Variants in SLC23A2 observed in about 807,000 individuals in gnomAD.
SLC23A2 encodes the protein Na(+)/L-ascorbic acid transporter 2.
Under a neutral mutation model 73.3 loss-of-function variants are expected in SLC23A2, and 36 were observed. The ratio of observed to expected loss-of-function variants is 0.49; its 90% confidence interval spans 0.38 to 0.65. The LOEUF (loss-of-function observed/expected upper bound fraction) is 0.65, where lower values mean the gene tolerates loss of function less well. SLC23A2 is among the 30% of genes least tolerant of loss of function. The pLI is 0.00. For missense variants in SLC23A2, 507 were observed against 841.6 expected, an observed-to-expected ratio of 0.60 and a Z score of 4.92; for synonymous variants, 343 against 327.3, an observed-to-expected ratio of 1.05 and a Z score of -0.52.
At chr20:4,942,799 C>T (rs557746210) in intron 2 of SLC23A2, among the ~76,000 whole-genome samples, 38 of 152,280 alleles carry the variant, frequency 2.5e-4, no homozygotes, top group African/African-American at 8.7e-4. Flanking sequence ...GAAAGAACCA[C>T]CAAATCCTAA....
chr20:4,885,692 T>C (rs1931069948), intron 7 of SLC23A2, 129 bp downstream of exon 7: 1 of 698,342 alleles, frequency 1.4e-6, no homozygotes, highest in Non-Finnish European at 2.6e-6. Context: ...TCTAAGCTGT[T>C]TGTGGGTTTG....
intron 15 of SLC23A2, among the ~76,000 whole-genome samples, chr20:4,860,884 T>C (rs1464056337): frequency 1.3e-5 from 2 of 152,224 alleles, no homozygotes; most frequent in East Asian, 3.9e-4. Context: ...CTACTAAAAA[T>C]ACAAAAATTG....
chr20:4,922,506 G>T (rs1226237001), intron 3 of SLC23A2, among the ~76,000 whole-genome samples: 1 of 152,116 alleles, frequency 6.6e-6, no homozygotes, highest in East Asian at 1.9e-4. Flanking sequence ...CCATGACCAA[G>T]ATTCCATAAA....
At chr20:4,985,039 A>T (rs1425661786) in intron 1 of SLC23A2, among the ~76,000 whole-genome samples, 2 of 151,168 alleles carry the variant, frequency 1.3e-5, no homozygotes, top group African/African-American at 4.9e-5. Flanking sequence ...TGGGAGGCTG[A>T]GGCAGGAGAA....
intron 2 of SLC23A2, among the ~76,000 whole-genome samples, chr20:4,960,107 T>C (rs562557434): frequency 6.4e-4 from 97 of 152,332 alleles, no homozygotes; most frequent in Middle Eastern, 6.8e-3. Flanking sequence ...AGCGGCTTTA[T>C]TTATAATAGC....
In SLC23A2 at chr20:4,947,689, G is replaced by T. The variant is rs1408610235; in HGVS notation, c.-154-14973C>A. On this transcript the variant is annotated intron_variant, in intron 2 of 16. Coordinates refer to ENST00000338244, the MANE Select transcript of SLC23A2 (RefSeq NM_005116.6). The surrounding 1 kb of genome is among the most constrained non-coding windows in gnomAD (Gnocchi z 4.4). ...GATTTATCTCTGCAAAAAAGCTCAG[G>T]GCCAATGTTGTGGGTCCAACAATCA... Among the ~76,000 whole-genome samples the T allele has an allele frequency of 1.3e-5, 2 of 152,148 alleles. No individual in the cohort carries two copies. The highest frequency in any genetic ancestry group is 2.9e-5 in the Non-Finnish European group (2 of 68,036).
chr20:4,943,279 C>T (rs1365509550), intron 2 of SLC23A2, among the ~76,000 whole-genome samples: 1 of 151,896 alleles, frequency 6.6e-6, no homozygotes, highest in African/African-American at 2.4e-5. Flanking sequence ...AGACAAAAAC[C>T]CACACTTCTC....
intron 11 of SLC23A2, 145 bp from the exon 12 acceptor site, chr20:4,870,198 T>C (rs2122793835): frequency 2.9e-6 from 2 of 698,238 alleles, no homozygotes; most frequent in East Asian, 5.6e-5. Flanking sequence ...CATTTTAAAA[T>C]CTTAAGCACC....
At chr20:4,917,022 A>ACTCCT (rs2122904842) in intron 3 of SLC23A2, among the ~76,000 whole-genome samples, 1 of 152,310 alleles carries the variant, frequency 6.6e-6, no homozygotes, top group African/African-American at 2.4e-5. Flanking sequence ...GCCTAGAAAA[A>ACTCCT]AAGCTCACAT....
Position 4,952,082 on chromosome 20 carries a change from C to T in SLC23A2, c.-155+18711G>A, listed in dbSNP as rs560893072. On this transcript the variant is annotated intron_variant, in intron 2 of 16. Transcript: ENST00000338244. The stretch of plus-strand genomic sequence containing the variant: ...TTGCACCACCACACTCCAGCCTGGG[C>T]GACAGAGCAAGACTCTGACTCAAAA... 2.4e-3 allele frequency among the ~76,000 whole-genome samples: 270 copies of T among 113,662 alleles called. 1 individual carries two copies. The highest frequency in any genetic ancestry group is 8.4e-3 in the African/African-American group (244 of 29,170). 74.6% of individuals were successfully genotyped at this position (113,662 alleles called of 152,430 possible). A position where few individuals can be genotyped will look rare whatever the true frequency, so the allele number is the denominator to read the frequency against.
At chr20:4,955,554 C>T (rs981076981) in intron 2 of SLC23A2, among the ~76,000 whole-genome samples, 1 of 151,978 alleles carries the variant, frequency 6.6e-6, no homozygotes, top group African/African-American at 2.4e-5. Flanking sequence ...TTTGGGAGGC[C>T]AAGGTAGGAG....
chr20:4,893,517 G>A (rs1400418311), intron 6 of SLC23A2, among the ~76,000 whole-genome samples: 2 of 152,060 alleles, frequency 1.3e-5, no homozygotes, highest in Non-Finnish European at 2.9e-5. Context: ...TCATGAGTTC[G>A]AAGTCCCCAG....
rs1293726826 is a variant in SLC23A2 at position 4,868,825 on chromosome 20, AATC to A, written c.1251-953_1251-951del. ...TTTTCTCTGCAGACTCCTCAGGGGC[AATC>A]ATCTGACAACTTCTAAAAGCTAATC... On this transcript the variant is annotated intron_variant, in intron 12 of 16. Transcript: ENST00000338244. This position sits in a 1 kb window ranked among gnomAD's most constrained non-coding sequence, Gnocchi z 4.4. 1.3e-5 allele frequency among the ~76,000 whole-genome samples: 2 copies of A among 152,256 alleles called. No homozygotes were observed. Among genetic ancestry groups the A allele is most frequent in the East Asian group, 3.9e-4 (2 of 5,176 alleles).
chr20:4,902,575 G>A lies in SLC23A2; in HGVS notation c.208-17C>T. 2 of 1,457,184 alleles carry A rather than the reference G, an allele frequency of 1.4e-6. No individual in the cohort carries two copies. Among genetic ancestry groups the A allele is most frequent in the Non-Finnish European group, 1.9e-6 (2 of 1,045,500 alleles). The allele number at this position is 1,457,184 out of a possible 1,614,324, so 90.3% of individuals were successfully genotyped here. A position where few individuals can be genotyped will look rare whatever the true frequency, so the allele number is the denominator to read the frequency against. Reference sequence around the variant, plus strand: ...GAGAGAGCTCTGCGAGCCAGAAGGAGAAAAGAAGGTGCTCATTAAACGTGA... The same window carrying A: ...GAGAGAGCTCTGCGAGCCAGAAGGAAAAAAGAAGGTGCTCATTAAACGTGA... On this transcript the variant is annotated splice_polypyrimidine_tract_variant and intron_variant, in intron 4 of 16. Coordinates refer to ENST00000338244, the MANE Select transcript of SLC23A2 (RefSeq NM_005116.6). The surrounding 1 kb of genome is among the most constrained non-coding windows in gnomAD (Gnocchi z 4.0).
chr20:4,973,803 T>C (rs915164809), intron 1 of SLC23A2, among the ~76,000 whole-genome samples: 1 of 152,172 alleles, frequency 6.6e-6, no homozygotes, highest in African/African-American at 2.4e-5. Flanking sequence ...CATGGCCACA[T>C]GACTTTCCCC....
At chr20:4,954,157 A>C (rs1233186603) in intron 2 of SLC23A2, among the ~76,000 whole-genome samples, 1 of 152,140 alleles carries the variant, frequency 6.6e-6, no homozygotes. Context: ...AATGACCAAC[A>C]CTTCATAAAC....
Position 4,996,353 on chromosome 20 carries a change from C to T in SLC23A2, c.-282+5053G>A, listed in dbSNP as rs954993325. Among the ~76,000 whole-genome samples, 4 of 152,142 alleles carry T rather than the reference C, an allele frequency of 2.6e-5. 1 individual carries two copies. The South Asian group carries it at 8.3e-4, about 32-fold the overall frequency. On this transcript the variant is annotated intron_variant, in intron 1 of 16. Coordinates refer to ENST00000338244, the MANE Select transcript of SLC23A2 (RefSeq NM_005116.6). ...AGATGATGCCTTTGGGAAGGAAGCCCGAGCCATCAGCTGCTTTGAGCAAAA... is the reference window on the plus strand; with the variant it reads ...AGATGATGCCTTTGGGAAGGAAGCCTGAGCCATCAGCTGCTTTGAGCAAAA...
At chr20:4,860,510 C>T (rs1929916381) in intron 15 of SLC23A2, among the ~76,000 whole-genome samples, 1 of 152,162 alleles carries the variant, frequency 6.6e-6, no homozygotes, top group African/African-American at 2.4e-5. Flanking sequence ...AAAGAAGATC[C>T]ATCCAGGCAT....
At chr20:4,972,578 TTTTTTG>T in intron 1 of SLC23A2, among the ~76,000 whole-genome samples, 1 of 151,732 alleles carries the variant, frequency 6.6e-6, no homozygotes, top group East Asian at 1.9e-4. Context: ...TTTTTGGGGT[TTTTTTG>T]TTGTTGTTGT....
Sources: gnomAD v4.1 joint callset for allele counts (sites outside exome capture counted in the v4.1 genomes callset) on GRCh38, gnomAD v4.1.1 for gene constraint, Gnocchi (gnomAD v3.1) non-coding constraint, MANE v1.5 for transcripts, NCBI Gene and HGNC (gene_info 2026-07-23, HGNC 2026-07-21) for gene names.